CUL7: variants seen among roughly 807,000 people sequenced by gnomAD.
CUL7 encodes cullin 7.
Under a neutral mutation model 177.7 loss-of-function variants are expected in CUL7, and 96 were observed. The observed-to-expected ratio is 0.54, with a 90% confidence interval of 0.46 to 0.64. The LOEUF (loss-of-function observed/expected upper bound fraction) is 0.64. CUL7 is among the 30% of genes least tolerant of loss of function. The pLI, the probability that CUL7 is intolerant of heterozygous loss-of-function variation, is 0.00. For synonymous variants in CUL7, 824 were observed against 890.2 expected (o/e 0.93, Z 1.32); for missense variants, 1,893 against 2,187.9 (o/e 0.87, Z 2.69).
At chr6:43,044,677 G>C (rs1040295801) in intron 16 of CUL7, 75 bp downstream of exon 16, 29 of 1,560,268 alleles carry the variant, frequency 1.9e-5, no homozygotes, top group Non-Finnish European at 2.5e-5. Context: ...GGTGGTTCTA[G>C]GGTAGAGCAA....
rs773818555 is a variant in CUL7, at chr6:43,053,319, TAGG to T, written c.-9+300_-9+302del. ...AGTGGGAGGGCAAGGCGCGATGGAC[TAGG>T]AGGAGGCACTGGTGGGTTGGAGGCG... On this transcript the variant is annotated intron_variant, in intron 1 of 25. Coordinates refer to ENST00000265348, the MANE Select transcript of CUL7 (RefSeq NM_014780.5). This position sits in a 1 kb window ranked among gnomAD's most constrained non-coding sequence, Gnocchi z 4.1. Among the ~76,000 whole-genome samples the T allele has an allele frequency of 6.6e-6, 1 of 151,884 alleles. No individual in the cohort carries two copies. The highest frequency in any genetic ancestry group is 2.4e-5 in the African/African-American group (1 of 41,410).
chr6:43,050,246 C>T lies in CUL7; in HGVS notation c.1372+14G>A, dbSNP rs577127653. 4 of 1,614,196 alleles carry T rather than the reference C, an allele frequency of 2.5e-6. No homozygotes were observed. The Admixed American group carries it at 5.0e-5, about 20-fold the overall frequency. ...TCTGCTCAGAGCTGACCCTTGCTTC[C>T]TCCCTGAGCTCACCTCTACCCAGGA... On this transcript the variant is annotated intron_variant, in intron 5 of 25. Transcript: ENST00000265348. This position sits in a 1 kb window ranked among gnomAD's most constrained non-coding sequence, Gnocchi z 4.1.
At position 43,040,331 on chromosome 6, in the gene CUL7, T is replaced by C. The variant is rs1025380176; in HGVS notation, c.4119A>G (p.Glu1373=). Residue 1373 remains glutamate, a synonymous_variant, in exon 22 of 26, where the codon GAA becomes GAG. Coordinates refer to ENST00000265348, the MANE Select transcript of CUL7 (RefSeq NM_014780.5). This position sits in a 1 kb window ranked among gnomAD's most constrained non-coding sequence, Gnocchi z 4.2. ...AGTAGAGGTCCTCATTCTCCTCCTC[T>C]TCCTCCTCTCCCTCCGCCACATCCA... ...AVVDVAEGEE[E]EEENEDLYYE... 2.5e-6 allele frequency: 4 copies of C among 1,613,870 alleles called. No homozygotes were observed. In the South Asian group the frequency reaches 3.3e-5, roughly 13 times the overall value.
At chr6:43,042,385 A>G (rs1763516249) in intron 19 of CUL7, among the ~76,000 whole-genome samples, 1 of 151,716 alleles carries the variant, frequency 6.6e-6, no homozygotes, top group Non-Finnish European at 1.5e-5. Flanking sequence ...CGCAGGCTGG[A>G]GTGCAGTGGT....
In CUL7 at chr6:43,048,539, G is replaced by A. The variant is rs1430641171; in HGVS notation, c.1856C>T (p.Thr619Ile). Reference protein sequence around the residue: ...AKEPPSQSPNTPLQRLVEGYG... With the variant: ...AKEPPSQSPNIPLQRLVEGYG... ...ACCCTCCACCAGACGCTGCAGGGGA[G>A]TGTTGGGACTCTGAGATGGGGGTTC... The change falls in exon 8 of 26, where the codon ACT becomes ATT. Residue 619 changes from threonine (T) to isoleucine (I), a missense_variant. Coordinates refer to ENST00000265348, the MANE Select transcript of CUL7 (RefSeq NM_014780.5). The A allele has an allele frequency of 6.2e-7, 1 of 1,614,160 alleles. No individual in the cohort carries two copies. Among genetic ancestry groups the A allele is most frequent in the Non-Finnish European group, 8.5e-7 (1 of 1,179,994 alleles).
At chr6:43,038,208 T>C (rs971201861) in intron 25 of CUL7, 59 bp downstream of exon 25, 7 of 1,587,246 alleles carry the variant, frequency 4.4e-6, no homozygotes, top group African/African-American at 1.3e-5. Flanking sequence ...CCTTGTCCTG[T>C]AGACTGCTCC....
In CUL7 at chr6:43,052,376, A is replaced by G; in HGVS notation, c.413T>C (p.Leu138Pro). 3 of 1,614,260 alleles carry G rather than the reference A, an allele frequency of 1.9e-6. No homozygotes were observed. Among genetic ancestry groups the G allele is most frequent in the South Asian group, 2.2e-5 (2 of 91,090 alleles). ...GGCGCTGAGCACGTGGACAGTGTGA[A>G]GTAGAGGAGCAGGAGGGATAGTGCC... is the stretch of plus-strand genomic sequence containing the variant. ...CVGTIPPAPL[L>P]HTVHVLSAYA... The change falls in exon 2 of 26, where the codon CTT (leucine) becomes CCT (proline). Residue 138 changes from leucine (L) to proline (P), a missense_variant. Coordinates refer to ENST00000265348, the MANE Select transcript of CUL7 (RefSeq NM_014780.5). This position sits in a 1 kb window ranked among gnomAD's most constrained non-coding sequence, Gnocchi z 4.5.
rs1167282235 is a variant in CUL7 at position 43,040,065 on chromosome 6, C to T, written c.4294+91G>A. 15 of 1,460,588 alleles carry T rather than the reference C, an allele frequency of 1.0e-5. No homozygotes were observed. Among genetic ancestry groups the T allele is most frequent in the Non-Finnish European group, 1.4e-5 (15 of 1,041,874 alleles). 90.5% of individuals were successfully genotyped at this position (1,460,588 alleles called of 1,614,324 possible). A position where few individuals can be genotyped will look rare whatever the true frequency, so the allele number is the denominator to read the frequency against. On this transcript the variant is annotated intron_variant, in intron 22 of 25. Transcript: ENST00000265348. The surrounding 1 kb of genome is among the most constrained non-coding windows in gnomAD (Gnocchi z 4.2). ...AAGACTATCTCTTTTTACATCAAGC[C>T]TCCCAACATCAGGGTCTGCCCCCAA... is the stretch of plus-strand genomic sequence containing the variant.
intron 7 of CUL7, 64 bp downstream of exon 7, chr6:43,049,343 A>G (rs1369511610): frequency 6.2e-7 from 1 of 1,609,502 alleles, no homozygotes; most frequent in African/African-American, 1.3e-5. Flanking sequence ...AAATCAGCAC[A>G]GACATCTCTC....
At chr6:43,039,978 G>C (rs984068268) in intron 22 of CUL7, among the ~76,000 whole-genome samples, 178 bp downstream of exon 22, 2 of 152,110 alleles carry the variant, frequency 1.3e-5, no homozygotes, top group Non-Finnish European at 1.5e-5. Context: ...GACCTCAAGT[G>C]ATCTGCCTGC....
In CUL7 at chr6:43,043,755, A is replaced by C; in HGVS notation, c.3173-125T>G. ...ATGATACAAGGAAGGGGGGCCAGGT[A>C]GGGTGGTTTACGCCTGTAATCCCAG... is the stretch of plus-strand genomic sequence containing the variant. On this transcript the variant is annotated intron_variant, in intron 16 of 25. Transcript: ENST00000265348. This position sits in a 1 kb window ranked among gnomAD's most constrained non-coding sequence, Gnocchi z 4.2. The C allele has an allele frequency of 1.3e-6, 1 of 742,108 alleles. No homozygotes were observed. The highest frequency in any genetic ancestry group is 2.4e-6 in the Non-Finnish European group (1 of 412,634). The allele number at this position is 742,108 out of a possible 1,614,324, so 46.0% of individuals were successfully genotyped here.
Position 43,048,131 on chromosome 6 carries a change from G to C in CUL7, c.2169+17C>G, listed in dbSNP as rs1277468222. ...TATCCTCTCCCCCAGCCTCTCCCCA[G>C]AGCAGGGCAGGGGTACCTCTCGATC... On this transcript the variant is annotated intron_variant, in intron 9 of 25. Coordinates refer to ENST00000265348, the MANE Select transcript of CUL7 (RefSeq NM_014780.5). 6.4e-7 allele frequency: 1 copy of C among 1,568,280 alleles called. No individual in the cohort carries two copies. Among genetic ancestry groups the C allele is most frequent in the Non-Finnish European group, 8.8e-7 (1 of 1,142,000 alleles).
rs928116811 is a variant in CUL7, at chr6:43,050,820, C to A, written c.1233+148G>T. 9.5e-7 allele frequency: 1 copy of A among 1,047,160 alleles called. No individual in the cohort carries two copies. The highest frequency in any genetic ancestry group is 1.4e-6 in the Non-Finnish European group (1 of 717,778). 64.9% of individuals were successfully genotyped at this position (1,047,160 alleles called of 1,614,324 possible). On this transcript the variant is annotated intron_variant, in intron 4 of 25. Coordinates refer to ENST00000265348, the MANE Select transcript of CUL7 (RefSeq NM_014780.5). This position sits in a 1 kb window ranked among gnomAD's most constrained non-coding sequence, Gnocchi z 4.1. ...TTTCCCAGCTCTCAGAATGGCCCCC[C>A]TCTCAACTACTGACTCTTTTCACCA...
In CUL7 at chr6:43,045,337, C is replaced by G; in HGVS notation, c.2928G>C (p.Val976=). 1 of 1,614,268 alleles carries G rather than the reference C, an allele frequency of 6.2e-7. No homozygotes were observed. Among genetic ancestry groups the G allele is most frequent in the East Asian group, 2.2e-5 (1 of 44,890 alleles). Residue 976 remains valine (V), a synonymous_variant, in exon 15 of 26, where the codon GTG becomes GTC. Coordinates refer to ENST00000265348, the MANE Select transcript of CUL7 (RefSeq NM_014780.5). This position sits in a 1 kb window ranked among gnomAD's most constrained non-coding sequence, Gnocchi z 4.8. ...TGTGACGACAGAGCTGCTCCCGGAA[C>G]ACTGGCCAGAACGTGGGCTTGGGGC... ...ILGPKPTFWP[V]FREQLCRHTR... is the part of the protein sequence containing the mutation.
At chr6:43,047,156 A>G (rs751949217) in intron 9 of CUL7, 49 bp from the exon 10 acceptor site, 1 of 1,086,304 alleles carries the variant, frequency 9.2e-7, no homozygotes, top group East Asian at 2.4e-5. Context: ...GGCGAGGGCC[A>G]CAAGGGCACC....
rs761469976 is a variant in CUL7 at position 43,040,205 on chromosome 6, G to C, written c.4245C>G (p.Pro1415=). Residue 1415 remains proline (P), a synonymous_variant, in exon 22 of 26, where the codon CCC becomes CCG. Coordinates refer to ENST00000265348, the MANE Select transcript of CUL7 (RefSeq NM_014780.5). The surrounding 1 kb of genome is among the most constrained non-coding windows in gnomAD (Gnocchi z 4.2). ...CHTLNPRTCL[P]SYLRGTLNRY... is the part of the protein sequence containing the mutation. ...TGTTCAAAGTGCCCCTCAGGTAGGA[G>C]GGCAGGCAGGTTCTGGGGTTCAGTG... 1.2e-6 allele frequency: 2 copies of C among 1,614,194 alleles called. No individual in the cohort carries two copies. Among genetic ancestry groups the C allele is most frequent in the South Asian group, 2.2e-5 (2 of 91,082 alleles).
rs577407179 is a variant in CUL7, at chr6:43,046,681, A to G, written c.2398-80T>C. The G allele has an allele frequency of 1.3e-4, 211 of 1,584,722 alleles. No homozygotes were observed. In the African/African-American group the frequency reaches 2.5e-3, roughly 19 times the overall value. ...ACACACGGAAACACGGATGAAGGAG[A>G]GACCATGCAGCAGTGGGACTTCCTC... On this transcript the variant is annotated intron_variant, in intron 10 of 25. Coordinates refer to ENST00000265348, the MANE Select transcript of CUL7 (RefSeq NM_014780.5).
Position 43,051,645 on chromosome 6 carries a change from G to A in CUL7, c.699C>T (p.His233=), listed in dbSNP as rs752388340. The A allele has an allele frequency of 6.2e-7, 1 of 1,614,150 alleles. No homozygotes were observed. Among genetic ancestry groups the A allele is most frequent in the Admixed American group, 1.7e-5 (1 of 60,006 alleles). ...GCTGAATGCCCTCGAAAGACATGGG[G>A]TGTTCAGAGAGCGTGGCCTGTGCAA... ...ALFAQATLSE[H]PMSFEGIQLP... Residue 233 remains histidine (H), a synonymous_variant, in exon 3 of 26, where the codon CAC becomes CAT. Coordinates refer to ENST00000265348, the MANE Select transcript of CUL7 (RefSeq NM_014780.5). This position sits in a 1 kb window ranked among gnomAD's most constrained non-coding sequence, Gnocchi z 5.0.
At position 43,043,218 on chromosome 6, in the gene CUL7, G is replaced by A. The variant is rs1189658853; in HGVS notation, c.3356-38C>T. On this transcript the variant is annotated intron_variant, in intron 17 of 25. Transcript: ENST00000265348. This position sits in a 1 kb window ranked among gnomAD's most constrained non-coding sequence, Gnocchi z 4.2. ...AGAAAGTGGCAGAGGCAAGGAGGGT[G>A]CAGCCCCTCCACTCCCAAGTCCCCA... The A allele has an allele frequency of 6.5e-7, 1 of 1,527,510 alleles. No homozygotes were observed. The highest frequency in any genetic ancestry group is 9.1e-7 in the Non-Finnish European group (1 of 1,104,568). 94.6% of individuals were successfully genotyped at this position (1,527,510 alleles called of 1,614,324 possible). A position where few individuals can be genotyped will look rare whatever the true frequency, so the allele number is the denominator to read the frequency against.
Sources: gnomAD v4.1 joint callset for allele counts (sites outside exome capture counted in the v4.1 genomes callset) on GRCh38, gnomAD v4.1.1 for gene constraint, Gnocchi (gnomAD v3.1) non-coding constraint, MANE v1.5 for transcripts, NCBI Gene and HGNC (gene_info 2026-07-23, HGNC 2026-07-21) for gene names.